The following ELMO1 variants were observed in gnomAD, a reference collection of about 807,000 sequenced individuals.
ELMO1 encodes engulfment and cell motility 1.
Under a neutral mutation model 98.9 loss-of-function variants are expected in ELMO1, and 26 were observed. That is an observed-to-expected ratio of 0.26 (90% CI 0.19 to 0.36). The LOEUF is 0.36. ELMO1 is among the 10% of genes least tolerant of loss of function. The pLI is 1.00. For synonymous variants in ELMO1, 346 were observed against 346.0 expected, an observed-to-expected ratio of 1.00 and a Z score of 0.00; for missense variants, 627 against 935.2, an observed-to-expected ratio of 0.67 and a Z score of 4.30.
At chr7:37,208,152 A>C (rs1286428825) in intron 13 of ELMO1, among the ~76,000 whole-genome samples, 6 of 152,234 alleles carry the variant, frequency 3.9e-5, no homozygotes, top group African/African-American at 1.4e-4. Context: ...AAAAGGAAGA[A>C]AGGGAAGTAG....
At chr7:37,186,167 T>C (rs1345368417) in intron 13 of ELMO1, among the ~76,000 whole-genome samples, 4 of 152,212 alleles carry the variant, frequency 2.6e-5, no homozygotes, top group South Asian at 4.1e-4. Context: ...TTCACATTTA[T>C]AGTCAATTGA....
chr7:36,889,930 C>A (rs1360118221), intron 17 of ELMO1, among the ~76,000 whole-genome samples: 1 of 152,184 alleles, frequency 6.6e-6, no homozygotes, highest in Non-Finnish European at 1.5e-5. Context: ...AGGTGCCCAC[C>A]AGCTCTTTCT....
intron 15 of ELMO1, among the ~76,000 whole-genome samples, chr7:37,079,464 A>T (rs1797747669): frequency 6.6e-6 from 1 of 152,200 alleles, no homozygotes; most frequent in Admixed American, 6.5e-5. Flanking sequence ...ATGTTTCTAA[A>T]AGCCTCCTCT....
chr7:37,143,014 C>G (rs1787740280), intron 13 of ELMO1, among the ~76,000 whole-genome samples: 1 of 152,136 alleles, frequency 6.6e-6, no homozygotes, highest in African/African-American at 2.4e-5. Flanking sequence ...TTCAAAAAAT[C>G]CTTACAGTTA....
At position 36,873,138 on chromosome 7, in the gene ELMO1, A is replaced by G. The variant is rs1353869941; in HGVS notation, c.1823-2663T>C. Among the ~76,000 whole-genome samples, 4 of 152,206 alleles carry G rather than the reference A, an allele frequency of 2.6e-5. No individual in the cohort carries two copies. The East Asian group carries it at 7.7e-4, about 29-fold the overall frequency. On this transcript the variant is annotated intron_variant, in intron 19 of 21. Transcript: ENST00000310758. Reference sequence around the variant, plus strand: ...TACATCATTCATAGGATTATGACTAAAAGGAAAACACAAAGTTCTAAAAAT... The same window carrying G: ...TACATCATTCATAGGATTATGACTAGAAGGAAAACACAAAGTTCTAAAAAT...
intron 13 of ELMO1, among the ~76,000 whole-genome samples, chr7:37,142,866 G>T: frequency 6.6e-6 from 1 of 152,120 alleles, no homozygotes; most frequent in East Asian, 1.9e-4. Context: ...ATTCCCCAAA[G>T]CTATATGTTA....
chr7:37,392,094 G>A (rs1185283180), intron 1 of ELMO1, among the ~76,000 whole-genome samples: 4 of 152,150 alleles, frequency 2.6e-5, no homozygotes, highest in Non-Finnish European at 4.4e-5. Flanking sequence ...TCTGCAACCC[G>A]GGGAAGTTAA....
At chr7:37,428,777 T>C (rs371805471) in intron 1 of ELMO1, among the ~76,000 whole-genome samples, 4 of 152,376 alleles carry the variant, frequency 2.6e-5, no homozygotes, top group East Asian at 1.9e-4. Context: ...ATACGATGTA[T>C]AGTGCTTACG....
intron 13 of ELMO1, among the ~76,000 whole-genome samples, chr7:37,139,880 T>C (rs566883226): frequency 4.6e-5 from 7 of 152,062 alleles, no homozygotes; most frequent in East Asian, 1.9e-4. Context: ...CATAGACCAA[T>C]AGAATAGAAT....
chr7:37,327,249 G>A (rs1359315496), intron 2 of ELMO1, among the ~76,000 whole-genome samples: 1 of 152,202 alleles, frequency 6.6e-6, no homozygotes, highest in African/African-American at 2.4e-5. Context: ...AGGCCTTATG[G>A]TCTGCTTACC....
intron 1 of ELMO1, among the ~76,000 whole-genome samples, chr7:37,367,215 G>A (rs1801941044): frequency 6.6e-6 from 1 of 152,200 alleles, no homozygotes; most frequent in Non-Finnish European, 1.5e-5. Context: ...CCTCAGGGAA[G>A]CCTTTCCTAG....
intron 1 of ELMO1, among the ~76,000 whole-genome samples, chr7:37,360,102 C>T (rs1245392402): frequency 6.6e-6 from 1 of 152,226 alleles, no homozygotes; most frequent in African/African-American, 2.4e-5. Context: ...CTTTTCACTT[C>T]ATGAATGGAT....
At position 37,160,745 on chromosome 7, in the gene ELMO1, C is replaced by T. The variant is rs11976141; in HGVS notation, c.1087-27511G>A. Among the ~76,000 whole-genome samples the T allele has an allele frequency of 2.4e-3, 364 of 152,278 alleles. 1 individual carries two copies. The highest frequency in any genetic ancestry group is 7.3e-3 in the African/African-American group (302 of 41,544). On this transcript the variant is annotated intron_variant, in intron 13 of 21. Coordinates refer to ENST00000310758, the MANE Select transcript of ELMO1 (RefSeq NM_014800.11). The stretch of plus-strand genomic sequence containing the variant: ...GTGCCCACCAGTCACGTGGCTTCTG[C>T]ATGACCAGATGTCCCACCCCAATTG...
At chr7:37,148,585 T>A (rs1788151818) in intron 13 of ELMO1, among the ~76,000 whole-genome samples, 1 of 152,190 alleles carries the variant, frequency 6.6e-6, no homozygotes, top group African/African-American at 2.4e-5. Flanking sequence ...AAAAACTCAA[T>A]TAAAAAATGC....
chr7:36,889,145 C>G (rs564606576), intron 17 of ELMO1, among the ~76,000 whole-genome samples: 73 of 152,288 alleles, frequency 4.8e-4, no homozygotes, highest in African/African-American at 1.7e-3. Context: ...ACAGGGTATT[C>G]TAGTACTCCA....
chr7:37,365,839 C>T (rs1302981286), intron 1 of ELMO1, among the ~76,000 whole-genome samples: 1 of 152,208 alleles, frequency 6.6e-6, no homozygotes, highest in Non-Finnish European at 1.5e-5. Context: ...CCCTCTTGTA[C>T]TGTCGTAGTA....
intron 7 of ELMO1, among the ~76,000 whole-genome samples, chr7:37,243,621 T>A (rs971788471): frequency 3.3e-5 from 5 of 152,314 alleles, no homozygotes; most frequent in Admixed American, 3.3e-4. Flanking sequence ...TATAGTACAT[T>A]GAAGGTGATG....
At chr7:37,401,897 C>T (rs1444191372) in intron 1 of ELMO1, among the ~76,000 whole-genome samples, 2 of 152,166 alleles carry the variant, frequency 1.3e-5, no homozygotes, top group Non-Finnish European at 2.9e-5. Flanking sequence ...AGAAGAAGAA[C>T]CTGATCAAAC....
Position 37,029,593 on chromosome 7 carries a change from T to C in ELMO1, c.1301-16158A>G, listed in dbSNP as rs192386488. Reference sequence around the variant, plus strand: ...CACTAGGGTGTGCTCTCAGAATGTATTGAACATACAGACATCCTGGAAGGG... The same window carrying C: ...CACTAGGGTGTGCTCTCAGAATGTACTGAACATACAGACATCCTGGAAGGG... On this transcript the variant is annotated intron_variant, in intron 15 of 21. Coordinates refer to ENST00000310758, the MANE Select transcript of ELMO1 (RefSeq NM_014800.11). 1.4e-3 allele frequency among the ~76,000 whole-genome samples: 213 copies of C among 152,240 alleles called. 1 individual carries two copies. Among genetic ancestry groups the C allele is most frequent in the African/African-American group, 4.7e-3 (196 of 41,552 alleles).
Sources: gnomAD v4.1 joint callset for allele counts (sites outside exome capture counted in the v4.1 genomes callset) on GRCh38, gnomAD v4.1.1 for gene constraint, MANE v1.5 for transcripts, NCBI Gene and HGNC (gene_info 2026-07-23, HGNC 2026-07-21) for gene names.